The following GRID2 variants were observed in gnomAD, a reference collection of about 807,000 sequenced individuals.
The protein encoded by GRID2 is glutamate receptor ionotropic, delta-2.
GRID2 carries 33 observed loss-of-function variants against 114.8 expected under a neutral mutation model. The observed-to-expected ratio is 0.29, with a 90% CI of 0.22 to 0.38. The LOEUF is 0.38. Ranked by LOEUF, GRID2 falls within the 10% of genes least tolerant of loss-of-function variation. The probability of loss-of-function intolerance (pLI) is 1.00; values close to 1 mark genes in which losing one functional copy is unlikely to be tolerated. For missense variants in GRID2, 1,184 were observed against 1,257.7 expected, an observed-to-expected ratio of 0.94 and a Z score of 0.89; for synonymous variants, 505 against 449.9, an observed-to-expected ratio of 1.12 and a Z score of -1.55.
chr4:93,125,225 C>T (rs534596037), intron 4 of GRID2, among the ~76,000 whole-genome samples: 1 of 151,816 alleles, frequency 6.6e-6, no homozygotes, highest in Non-Finnish European at 1.5e-5. Flanking sequence ...AGTAAGCTAT[C>T]TGAGATCCTC....
chr4:93,084,513 T>C (rs1403017688), intron 2 of GRID2, among the ~76,000 whole-genome samples: 2 of 152,320 alleles, frequency 1.3e-5, no homozygotes, highest in Non-Finnish European at 2.9e-5. Flanking sequence ...AGAAATGCTT[T>C]TCTCCAAACC....
At chr4:93,351,628 G>A (rs1352630280) in intron 8 of GRID2, among the ~76,000 whole-genome samples, 1 of 152,018 alleles carries the variant, frequency 6.6e-6, no homozygotes, top group East Asian at 1.9e-4. Flanking sequence ...GTGATAATAG[G>A]AAGGGCAACT....
intron 2 of GRID2, among the ~76,000 whole-genome samples, chr4:92,833,431 GTT>G (rs1742251442): frequency 6.6e-6 from 1 of 152,178 alleles, no homozygotes; most frequent in African/African-American, 2.4e-5. Context: ...TGGCAATAAT[GTT>G]AATAAACAAT....
chr4:93,002,337 T>G (rs2149218349), intron 2 of GRID2, among the ~76,000 whole-genome samples: 1 of 151,912 alleles, frequency 6.6e-6, no homozygotes, highest in Admixed American at 6.6e-5. Context: ...CATGATGTTC[T>G]ACTGTAATAC....
chr4:93,751,739 G>A (rs989591919), intron 14 of GRID2, among the ~76,000 whole-genome samples: 1 of 152,094 alleles, frequency 6.6e-6, no homozygotes, highest in Admixed American at 6.5e-5. Context: ...AGAGGTTAGC[G>A]AAAACACGGT....
At chr4:92,908,898 A>T (rs1014095961) in intron 2 of GRID2, among the ~76,000 whole-genome samples, 8 of 152,116 alleles carry the variant, frequency 5.3e-5, no homozygotes, top group Non-Finnish European at 1.2e-4. Context: ...ATCTTCATCA[A>T]TTGTCTTCAA....
At chr4:93,656,901 G>T (rs894013467) in intron 14 of GRID2, among the ~76,000 whole-genome samples, 7 of 148,436 alleles carry the variant, frequency 4.7e-5, no homozygotes, top group African/African-American at 1.5e-4. Context: ...TCCATAAGAG[G>T]TTCAATTTTT....
chr4:93,332,299 T>TGAGAGA (rs10596544), intron 8 of GRID2, among the ~76,000 whole-genome samples: 43 of 121,038 alleles, frequency 3.6e-4, no homozygotes, highest in African/African-American at 1.2e-3. Context: ...TGTGTGTGTG[T>TGAGAGA]GAGAGAGAGA....
At chr4:92,566,272 A>G (rs1727330062) in intron 1 of GRID2, among the ~76,000 whole-genome samples, 1 of 152,018 alleles carries the variant, frequency 6.6e-6, no homozygotes, top group Non-Finnish European at 1.5e-5. Flanking sequence ...TCAATTCAAT[A>G]TGGAAATATT....
At chr4:92,683,729 A>G (rs1427081091) in intron 2 of GRID2, among the ~76,000 whole-genome samples, 7 of 151,976 alleles carry the variant, frequency 4.6e-5, no homozygotes, top group South Asian at 2.1e-4. Context: ...ATAGAAAAAT[A>G]CAAATGCATG....
At chr4:92,793,621 A>T (rs1739700142) in intron 2 of GRID2, among the ~76,000 whole-genome samples, 1 of 151,846 alleles carries the variant, frequency 6.6e-6, no homozygotes, top group Non-Finnish European at 1.5e-5. Context: ...ACTTACTTTG[A>T]ATATGTTATG....
chr4:92,930,713 G>C, intron 2 of GRID2, among the ~76,000 whole-genome samples: 1 of 149,714 alleles, frequency 6.7e-6, no homozygotes, highest in East Asian at 2.0e-4. Flanking sequence ...TGAAAGAAAA[G>C]TCCTGTCTTG....
chr4:93,702,975 C>G (rs1727640112), intron 14 of GRID2, among the ~76,000 whole-genome samples: 1 of 151,862 alleles, frequency 6.6e-6, no homozygotes, highest in Non-Finnish European at 1.5e-5. Context: ...TCAAGGAAAA[C>G]TGTACTAGGA....
At position 93,080,171 on chromosome 4, in the gene GRID2, A is replaced by G. The variant is rs80122212; in HGVS notation, c.245-4824A>G. ...GGGTAAGCTGAAATTGTTTTGTGTT[A>G]CTGTATTCCTAGAAGTATAAAAGCA... On this transcript the variant is annotated intron_variant, in intron 2 of 15. Coordinates refer to ENST00000282020, the MANE Select transcript of GRID2 (RefSeq NM_001510.4). Among the ~76,000 whole-genome samples the G allele has an allele frequency of 9.8e-3, 1,486 of 152,276 alleles. 30 individuals are homozygous for G. The highest frequency in any genetic ancestry group is 0.034 in the African/African-American group (1,413 of 41,576).
At chr4:93,288,680 C>A (rs1360909973) in intron 8 of GRID2, among the ~76,000 whole-genome samples, 2 of 152,132 alleles carry the variant, frequency 1.3e-5, no homozygotes, top group Non-Finnish European at 2.9e-5. Context: ...GGGCTGCTAA[C>A]CATACATTGA....
chr4:92,681,093 G>T (rs1733626888), intron 2 of GRID2, among the ~76,000 whole-genome samples: 1 of 152,078 alleles, frequency 6.6e-6, no homozygotes, highest in African/African-American at 2.4e-5. Context: ...CCTTTAAAAA[G>T]AATTTCAAAT....
At chr4:92,508,541 A>T (rs887839484) in intron 1 of GRID2, among the ~76,000 whole-genome samples, 1 of 151,934 alleles carries the variant, frequency 6.6e-6, no homozygotes. Flanking sequence ...TGTACAATAT[A>T]AAGGAGCAAA....
Position 93,485,720 on chromosome 4 carries a change from G to A in GRID2, c.1859-4919G>A, listed in dbSNP as rs570028534. Among the ~76,000 whole-genome samples the A allele has an allele frequency of 3.3e-5, 5 of 151,654 alleles. No homozygotes were observed. In the South Asian group the frequency reaches 6.2e-4, roughly 19 times the overall value. ...ATGGACAACTTTCATTTATTTATTT[G>A]GTTTATCCTTGTACAACTAACCAAC... On this transcript the variant is annotated intron_variant, in intron 11 of 15. Coordinates refer to ENST00000282020, the MANE Select transcript of GRID2 (RefSeq NM_001510.4).
chr4:93,311,366 C>T (rs1009787731), intron 8 of GRID2, among the ~76,000 whole-genome samples: 2 of 152,100 alleles, frequency 1.3e-5, no homozygotes, highest in Non-Finnish European at 1.5e-5. Flanking sequence ...CATCTGGAGG[C>T]CTTGGTGTCA....
Sources: allele counts gnomAD v4.1 joint callset (sites outside exome capture counted in the v4.1 genomes callset), GRCh38; gene constraint gnomAD v4.1.1; transcripts MANE v1.5; gene names NCBI Gene and HGNC (gene_info 2026-07-23, HGNC 2026-07-21).